ABCG2: variants seen among roughly 807,000 people sequenced by gnomAD.
ABCG2 encodes the protein ATP binding cassette subfamily G member 2 (JR blood group).
Under a neutral mutation model 73.5 loss-of-function variants are expected in ABCG2, and 80 were observed. The observed-to-expected ratio is 1.09, with a 90% CI of 0.91 to 1.31. The LOEUF (loss-of-function observed/expected upper bound fraction) is 1.31, where lower values mean the gene tolerates loss of function less well. ABCG2 is among the 50% of genes most tolerant of loss of function. ABCG2 has a pLI of 0.00. For synonymous variants in ABCG2, 269 were observed against 282.4 expected (o/e 0.95, Z 0.48); for missense variants, 796 against 786.2 (o/e 1.01, Z -0.15).
chr4:88,161,169 A>AT (rs34048085), upstream of ABCG2, among the ~76,000 whole-genome samples: 1,313 of 141,156 alleles, frequency 9.3e-3, 16 homozygotes, highest in African/African-American at 0.032. Context: ...TTTTTTTTTA[A>AT]TTTTTTTTTT....
In ABCG2 at chr4:88,125,630, A is replaced by C. The variant is rs991613461; in HGVS notation, c.532-3838T>G. On this transcript the variant is annotated intron_variant, in intron 5 of 15. Coordinates refer to ENST00000237612, the MANE Select transcript of ABCG2 (RefSeq NM_004827.3). ...CTCAAAAAAAAAAAAAAAAAAAAAA[A>C]AAAAAACTGTAGAACTACACGGAAA... Among the ~76,000 whole-genome samples the C allele has an allele frequency of 1.7e-4, 26 of 149,966 alleles. No individual in the cohort carries two copies. The East Asian group carries it at 4.9e-3, about 28-fold the overall frequency.
intron 2 of ABCG2, among the ~76,000 whole-genome samples, chr4:88,134,201 C>G (rs1725091556): frequency 6.6e-6 from 1 of 152,118 alleles, no homozygotes; most frequent in Admixed American, 6.6e-5. Flanking sequence ...AGCACAGAGG[C>G]CAATCCTATG....
intron 1 of ABCG2, among the ~76,000 whole-genome samples, chr4:88,157,119 T>C (rs1261709966): frequency 2.6e-5 from 4 of 152,132 alleles, no homozygotes; most frequent in Non-Finnish European, 5.9e-5. Context: ...AGTATTGACA[T>C]CATGTACCCA....
At chr4:88,128,878 C>A (rs940030596) in intron 5 of ABCG2, among the ~76,000 whole-genome samples, 9 of 152,194 alleles carry the variant, frequency 5.9e-5, no homozygotes, top group South Asian at 2.1e-4. Context: ...ATGTAACAAA[C>A]CTGCACGTTC....
intron 1 of ABCG2, among the ~76,000 whole-genome samples, chr4:88,192,884 TG>T (rs1728755060): frequency 6.6e-6 from 1 of 151,872 alleles, no homozygotes; most frequent in African/African-American, 2.4e-5. Context: ...GCTAATTTTT[TG>T]TATTTTTAGT....
intron 1 of ABCG2, among the ~76,000 whole-genome samples, chr4:88,194,211 G>A (rs1224001504): frequency 3.3e-5 from 5 of 152,104 alleles, no homozygotes; most frequent in Non-Finnish European, 7.3e-5. Flanking sequence ...ACTGTGAAAT[G>A]ACTTTGAGAA....
intron 8 of ABCG2, among the ~76,000 whole-genome samples, chr4:88,113,810 A>C (rs1250112513): frequency 6.6e-6 from 1 of 151,866 alleles, no homozygotes; most frequent in Non-Finnish European, 1.5e-5. Context: ...AAAATACAAA[A>C]AAAATTAGCC....
At chr4:88,117,067 C>T (rs932774028) in intron 7 of ABCG2, among the ~76,000 whole-genome samples, 1 of 152,170 alleles carries the variant, frequency 6.6e-6, no homozygotes, top group African/African-American at 2.4e-5. Context: ...GTGGCTCACA[C>T]CTGTAATCCC....
At chr4:88,109,924 A>G (rs1201857313) in intron 9 of ABCG2, among the ~76,000 whole-genome samples, 1 of 152,190 alleles carries the variant, frequency 6.6e-6, no homozygotes, top group Non-Finnish European at 1.5e-5. Flanking sequence ...TTGTTCACCT[A>G]TGAGCTAAGA....
intron 5 of ABCG2, among the ~76,000 whole-genome samples, chr4:88,125,383 C>A (rs571013722): frequency 1.4e-5 from 2 of 147,648 alleles, no homozygotes; most frequent in Non-Finnish European, 3.0e-5. Context: ...CCGAGGCAGG[C>A]GGATCATGAG....
chr4:88,200,469 A>G (rs1009280311), intron 1 of ABCG2, among the ~76,000 whole-genome samples: 3 of 150,480 alleles, frequency 2.0e-5, no homozygotes, highest in Admixed American at 1.3e-4. Context: ...ATGTGTAGCC[A>G]AAAGATGTTC....
intron 5 of ABCG2, 45 bp from the exon 6 acceptor site, chr4:88,121,837 T>C: frequency 6.3e-7 from 1 of 1,587,090 alleles, no homozygotes; most frequent in Non-Finnish European, 8.6e-7. Context: ...AACCAGTCAT[T>C]ATCATTTGGT....
At chr4:88,157,194 T>A (rs1270454931) in intron 1 of ABCG2, among the ~76,000 whole-genome samples, 1 of 123,934 alleles carries the variant, frequency 8.1e-6, no homozygotes. Flanking sequence ...AGAACATTCA[T>A]CTAATCATGA....
At chr4:88,196,258 A>G (rs1233403239) in intron 1 of ABCG2, among the ~76,000 whole-genome samples, 1 of 152,152 alleles carries the variant, frequency 6.6e-6, no homozygotes, top group Admixed American at 6.5e-5. Flanking sequence ...CAGTCATTTA[A>G]CCTTCCTAAT....
At chr4:88,222,417 G>A (rs968539633) in intron 1 of ABCG2, among the ~76,000 whole-genome samples, 7 of 152,136 alleles carry the variant, frequency 4.6e-5, no homozygotes, top group Admixed American at 2.0e-4. Context: ...TCACTGAATC[G>A]TGGGCCGCTG....
At chr4:88,127,027 C>T (rs528923903) in intron 5 of ABCG2, among the ~76,000 whole-genome samples, 43 of 152,180 alleles carry the variant, frequency 2.8e-4, no homozygotes, top group Non-Finnish European at 4.3e-4. Flanking sequence ...TTTAGATAAG[C>T]CCCTTGTCTC....
chr4:88,172,219 G>T (rs1351185312), intron 1 of ABCG2, among the ~76,000 whole-genome samples: 1 of 151,354 alleles, frequency 6.6e-6, no homozygotes, highest in Non-Finnish European at 1.5e-5. Flanking sequence ...CCTTGAACCT[G>T]GGAAGCAGAG....
At chr4:88,156,029 T>C (rs1726912911) in intron 1 of ABCG2, among the ~76,000 whole-genome samples, 1 of 151,398 alleles carries the variant, frequency 6.6e-6, no homozygotes, top group African/African-American at 2.4e-5. Context: ...ACATGGAAAA[T>C]ACAAAATAAG....
chr4:88,137,697 A>G (rs1348977151), intron 2 of ABCG2, among the ~76,000 whole-genome samples: 1 of 152,164 alleles, frequency 6.6e-6, no homozygotes, highest in Non-Finnish European at 1.5e-5. Context: ...ACACACACAA[A>G]GGAGTTAAGG....
Sources: allele counts gnomAD v4.1 joint callset (sites outside exome capture counted in the v4.1 genomes callset), GRCh38; gene constraint gnomAD v4.1.1; transcripts MANE v1.5; gene names NCBI Gene and HGNC (gene_info 2026-07-23, HGNC 2026-07-21).